The following GUCY1A1 variants were observed in gnomAD, a reference collection of about 807,000 sequenced individuals.
GUCY1A1 encodes the protein guanylate cyclase 1 soluble subunit alpha 1.
Under a neutral mutation model 64.5 loss-of-function variants are expected in GUCY1A1, and 48 were observed. The observed-to-expected ratio is 0.74, with a 90% CI of 0.59 to 0.95. The LOEUF is 0.95. Ranked by LOEUF, GUCY1A1 falls within the 40% of genes least tolerant of loss-of-function variation. The probability of loss-of-function intolerance (pLI) is 0.00; values close to 1 mark genes in which losing one functional copy is unlikely to be tolerated. For missense variants in GUCY1A1, 804 were observed against 825.3 expected, an observed-to-expected ratio of 0.97 and a Z score of 0.32; for synonymous variants, 308 against 303.4, an observed-to-expected ratio of 1.02 and a Z score of -0.16.
chr4:155,719,889 T>C (rs925884324), intron 8 of GUCY1A1, among the ~76,000 whole-genome samples: 6 of 152,172 alleles, frequency 3.9e-5, no homozygotes, highest in Non-Finnish European at 8.8e-5. Flanking sequence ...CATTCAAACT[T>C]TTCCCGGGAG....
In GUCY1A1 at chr4:155,713,294, G is replaced by C. The variant is rs199976914; in HGVS notation, c.1283G>C (p.Arg428Thr). The C allele has an allele frequency of 1.2e-6, 2 of 1,614,178 alleles. No homozygotes were observed. Among genetic ancestry groups the C allele is most frequent in the East Asian group, 4.5e-5 (2 of 44,876 alleles). The change falls in exon 7 of 10, where the codon AGG (arginine) becomes ACG (threonine). Residue 428 changes from arginine to threonine, a missense_variant. Transcript: ENST00000506455. Reference protein sequence around the residue: ...QARAQDGLKKRLGKLKATLEQ... With the variant: ...QARAQDGLKKTLGKLKATLEQ... Reference sequence around the variant, plus strand: ...CGAGCTCAAGATGGCCTGAAGAAGAGGCTGGGGAAGCTGAAGGCTACCCTT... The same window carrying C: ...CGAGCTCAAGATGGCCTGAAGAAGACGCTGGGGAAGCTGAAGGCTACCCTT...
intron 2 of GUCY1A1, among the ~76,000 whole-genome samples, chr4:155,695,214 T>A (rs1730260849): frequency 6.6e-6 from 1 of 152,226 alleles, no homozygotes; most frequent in Admixed American, 6.5e-5. Context: ...AGATACTGAA[T>A]TTAGCTTCCT....
chr4:155,726,079 T>C (rs1390630513), intron 9 of GUCY1A1, among the ~76,000 whole-genome samples: 1 of 152,070 alleles, frequency 6.6e-6, no homozygotes, highest in Non-Finnish European at 1.5e-5. Flanking sequence ...ATTTAATTTA[T>C]ATTGAACTTC....
chr4:155,675,658 A>T (rs1284956800), intron 2 of GUCY1A1, among the ~76,000 whole-genome samples: 1 of 151,658 alleles, frequency 6.6e-6, no homozygotes, highest in Non-Finnish European at 1.5e-5. Context: ...TCACTGGCTC[A>T]GAATAATTCA....
intron 2 of GUCY1A1, among the ~76,000 whole-genome samples, chr4:155,692,624 C>G (rs1729894776): frequency 6.6e-6 from 1 of 152,146 alleles, no homozygotes; most frequent in Non-Finnish European, 1.5e-5. Flanking sequence ...CTTTTTCTAA[C>G]TTTTCATCTG....
At chr4:155,671,222 C>T (rs756297404) in intron 2 of GUCY1A1, among the ~76,000 whole-genome samples, 4 of 152,142 alleles carry the variant, frequency 2.6e-5, no homozygotes, top group Non-Finnish European at 5.9e-5. Context: ...AGTTTGTGGC[C>T]TCTTCAGAAT....
rs1339952995 is a variant in GUCY1A1, at chr4:155,713,148, C to A, written c.1137C>A (p.Ile379=). The part of the protein sequence containing the change: ...QMIYIVESSA[I]LFLGSPCVDR... ...TCTACATTGTTGAATCCAGTGCAAT[C>A]TTGTTTTTGGGGTCACCCTGTGTGG... The change falls in exon 7 of 10, where the codon ATC becomes ATA. Residue 379 remains isoleucine (I), a synonymous_variant. Transcript: ENST00000506455. 6.2e-7 allele frequency: 1 copy of A among 1,613,516 alleles called. No individual in the cohort carries two copies.
At chr4:155,695,347 TAA>T (rs57848169) in intron 2 of GUCY1A1, among the ~76,000 whole-genome samples, 2 of 138,506 alleles carry the variant, frequency 1.4e-5, no homozygotes, top group African/African-American at 2.6e-5. Context: ...GCATAGAAAA[TAA>T]AAAAAAAAAA....
chr4:155,696,650 T>A (rs1730448378), intron 2 of GUCY1A1, 106 bp from the exon 3 acceptor site: 1 of 421,634 alleles, frequency 2.4e-6, no homozygotes, highest in Non-Finnish European at 4.2e-6. Context: ...AGAATTTTTT[T>A]AACTTGAGAA....
intron 2 of GUCY1A1, among the ~76,000 whole-genome samples, chr4:155,673,461 A>G (rs929181420): frequency 2.0e-5 from 3 of 151,658 alleles, no homozygotes; most frequent in Non-Finnish European, 2.9e-5. Context: ...GTATGATGGA[A>G]ATATTGAGTA....
At chr4:155,669,771 A>T (rs1733873548) in intron 2 of GUCY1A1, among the ~76,000 whole-genome samples, 2 of 152,194 alleles carry the variant, frequency 1.3e-5, no homozygotes, top group Non-Finnish European at 2.9e-5. Context: ...ACTTTTATTG[A>T]CACATTGATA....
In GUCY1A1 at chr4:155,733,009, T is replaced by G. The variant is rs960137250; in HGVS notation, c.*2778T>G. ...TTAAAATGTTTCTTTCCATTTTGCT[T>G]TGTTTTTCTATATCGATCTAGACTT... On this transcript the variant is annotated 3_prime_UTR_variant, in exon 10 of 10. Transcript: ENST00000506455. 6.6e-6 allele frequency among the ~76,000 whole-genome samples: 1 copy of G among 151,922 alleles called. No individual in the cohort carries two copies. Among genetic ancestry groups the G allele is most frequent in the Non-Finnish European group, 1.5e-5 (1 of 67,896 alleles).
intron 2 of GUCY1A1, among the ~76,000 whole-genome samples, chr4:155,679,232 A>T (rs1170608787): frequency 6.6e-6 from 1 of 152,084 alleles, no homozygotes; most frequent in Non-Finnish European, 1.5e-5. Context: ...CCTGGTCACA[A>T]AGAATTTCTT....
intron 6 of GUCY1A1, 104 bp downstream of exon 6, chr4:155,711,355 A>G (rs1732552241): frequency 1.5e-5 from 9 of 610,400 alleles, no homozygotes; most frequent in South Asian, 2.3e-5. Context: ...GTTTGATAAA[A>G]CATATGTAAA....
At chr4:155,723,595 T>G (rs2126959817) in intron 9 of GUCY1A1, among the ~76,000 whole-genome samples, 1 of 152,152 alleles carries the variant, frequency 6.6e-6, no homozygotes, top group East Asian at 1.9e-4. Flanking sequence ...CAGAGATAAC[T>G]CTTTAATAGC....
chr4:155,688,683 A>G (rs999211508), intron 2 of GUCY1A1, among the ~76,000 whole-genome samples: 8 of 152,122 alleles, frequency 5.3e-5, no homozygotes, highest in African/African-American at 1.9e-4. Context: ...GTTCTTGGAA[A>G]ACCTCATATG....
At chr4:155,671,209 T>C (rs143156148) in intron 2 of GUCY1A1, among the ~76,000 whole-genome samples, 128 of 152,328 alleles carry the variant, frequency 8.4e-4, no homozygotes, top group African/African-American at 3.0e-3. Flanking sequence ...TCTTCCGTCA[T>C]ATAGTTTGTG....
chr4:155,698,471 T>C (rs1730690750), intron 3 of GUCY1A1, among the ~76,000 whole-genome samples: 1 of 152,122 alleles, frequency 6.6e-6, no homozygotes, highest in Non-Finnish European at 1.5e-5. Flanking sequence ...CAGAGTGAAA[T>C]GAACAGAAAT....
intron 2 of GUCY1A1, among the ~76,000 whole-genome samples, chr4:155,693,711 C>T (rs888404667): frequency 6.6e-6 from 1 of 152,266 alleles, no homozygotes; most frequent in East Asian, 1.9e-4. Flanking sequence ...TTCCTGTTGG[C>T]TGTTTTTGCT....
Sources: allele counts gnomAD v4.1 joint callset (sites outside exome capture counted in the v4.1 genomes callset), GRCh38; gene constraint gnomAD v4.1.1; transcripts MANE v1.5; gene names NCBI Gene and HGNC (gene_info 2026-07-23, HGNC 2026-07-21).